Variants in CEP83 observed in about 807,000 individuals in gnomAD.
CEP83 encodes the protein centrosomal protein 83, also known as centrosomal protein of 83 kDa.
In CEP83, 70 loss-of-function variants were observed where a neutral mutation model predicts 101.9. The observed-to-expected ratio is 0.69, with a 90% confidence interval of 0.57 to 0.84. The LOEUF is 0.84. Ranked by LOEUF, CEP83 falls within the 40% of genes least tolerant of loss-of-function variation. The pLI, the probability that CEP83 is intolerant of heterozygous loss-of-function variation, is 0.00. For missense variants in CEP83, 715 were observed against 787.2 expected (o/e 0.91, Z 1.10); for synonymous variants, 264 against 267.9 (o/e 0.99, Z 0.14).
chr12:94,334,452 C>T (rs960631499), intron 12 of CEP83, among the ~76,000 whole-genome samples: 1 of 152,100 alleles, frequency 6.6e-6, no homozygotes, highest in Non-Finnish European at 1.5e-5. Context: ...ATACCTCCCC[C>T]ACAAGCTATT....
chr12:94,443,434 G>A (rs202161743), intron 1 of CEP83, among the ~76,000 whole-genome samples: 2 of 151,952 alleles, frequency 1.3e-5, no homozygotes, highest in East Asian at 3.8e-4. Flanking sequence ...AGTAGCTTTT[G>A]TCCATGTGCT....
At chr12:94,356,451 G>C (rs1159713944) in intron 11 of CEP83, among the ~76,000 whole-genome samples, 1 of 152,186 alleles carries the variant, frequency 6.6e-6, no homozygotes, top group Admixed American at 6.5e-5. Context: ...AGAGGACACT[G>C]GGTGAAAAAT....
chr12:94,323,142 G>C (rs1487007810), intron 14 of CEP83, among the ~76,000 whole-genome samples: 1 of 152,208 alleles, frequency 6.6e-6, no homozygotes, highest in Admixed American at 6.5e-5. Flanking sequence ...TGCCATGGTA[G>C]TGGGGCCTGC....
At chr12:94,298,867 A>ATAGT in the CEP83 span, 1 of 1,394,190 alleles carries the variant, frequency 7.2e-7, no homozygotes, top group Admixed American at 2.2e-5. Context: ...AAAGACATAG[A>ATAGT]TAGTTATAGA....
chr12:94,266,262 A>C, the CEP83 span, among the ~76,000 whole-genome samples: 1 of 152,188 alleles, frequency 6.6e-6, no homozygotes. Context: ...AGCTGTTTCA[A>C]GTTTTCTGCC....
At chr12:94,394,159 T>C (rs1210116157) in intron 6 of CEP83, among the ~76,000 whole-genome samples, 2 of 152,136 alleles carry the variant, frequency 1.3e-5, no homozygotes, top group African/African-American at 4.8e-5. Flanking sequence ...GAGCCTGCAT[T>C]GCCAAGACAA....
chr12:94,289,832 G>T, the CEP83 span, among the ~76,000 whole-genome samples: 1 of 152,174 alleles, frequency 6.6e-6, no homozygotes, highest in African/African-American at 2.4e-5. Context: ...AGTTAGAAAT[G>T]CACTCACACA....
the CEP83 span, among the ~76,000 whole-genome samples, chr12:94,274,155 T>TTAAAAAAA: frequency 1.8e-4 from 8 of 45,376 alleles, no homozygotes; most frequent in African/African-American, 9.4e-4. Flanking sequence ...ACCCTGTCTC[T>TTAAAAAAA]AAAAAAAAAA....
At chr12:94,449,175 A>G (rs951437631) in intron 1 of CEP83, among the ~76,000 whole-genome samples, 6 of 152,186 alleles carry the variant, frequency 3.9e-5, no homozygotes, top group African/African-American at 7.2e-5. Context: ...GATAATTTAT[A>G]TGAAATGGAC....
At chr12:94,343,112 T>C (rs934824259) in intron 11 of CEP83, among the ~76,000 whole-genome samples, 3 of 149,814 alleles carry the variant, frequency 2.0e-5, no homozygotes, top group Non-Finnish European at 4.4e-5. Context: ...TATATATATA[T>C]AGAACTTCAT....
At chr12:94,340,798 A>G (rs181214913) in intron 11 of CEP83, among the ~76,000 whole-genome samples, 2 of 152,352 alleles carry the variant, frequency 1.3e-5, no homozygotes, top group Non-Finnish European at 1.5e-5. Context: ...TGGCTTCAAC[A>G]TATGTTCCCA....
intron 11 of CEP83, among the ~76,000 whole-genome samples, chr12:94,354,004 T>A (rs1254525205): frequency 6.6e-6 from 1 of 152,102 alleles, no homozygotes. Context: ...CAAATATAAT[T>A]ATTATCTAAG....
At chr12:94,363,691 G>A (rs367979924) in intron 11 of CEP83, among the ~76,000 whole-genome samples, 14 of 152,224 alleles carry the variant, frequency 9.2e-5, no homozygotes, top group African/African-American at 3.4e-4. Flanking sequence ...GCTCACGCTT[G>A]TAATCTCAGC....
intron 15 of CEP83, among the ~76,000 whole-genome samples, chr12:94,310,347 A>G (rs753719601): frequency 2.6e-5 from 4 of 152,182 alleles, no homozygotes; most frequent in Admixed American, 2.6e-4. Flanking sequence ...CTAATTAAAG[A>G]TCTAAAATCT....
chr12:94,433,289 A>C (rs775884453), intron 2 of CEP83, among the ~76,000 whole-genome samples: 4 of 152,208 alleles, frequency 2.6e-5, no homozygotes, highest in Non-Finnish European at 5.9e-5. Flanking sequence ...AGGAGGAAGA[A>C]TAGAAGAAAG....
At position 94,309,974 on chromosome 12, in the gene CEP83, A is replaced by C; in HGVS notation, c.1945T>G (p.Phe649Val). 6.2e-7 allele frequency: 1 copy of C among 1,611,844 alleles called. No individual in the cohort carries two copies. Among genetic ancestry groups the C allele is most frequent in the Non-Finnish European group, 8.5e-7 (1 of 1,178,638 alleles). The part of the protein sequence containing the change: ...PPTASINPVS[F>V]QSSAMVPSME... ...CTTGGAACCATGGCTGATGACTGAAAGCTAACAGGATTGATAGATGCTGTT... is the reference window on the plus strand; with the variant it reads ...CTTGGAACCATGGCTGATGACTGAACGCTAACAGGATTGATAGATGCTGTT... The change falls in exon 16 of 17, where the codon TTT becomes GTT. Residue 649 changes from phenylalanine to valine, a missense_variant. By Grantham distance (50) the Phe-to-Val change is conservative. Transcript: ENST00000397809.
chr12:94,449,931 G>GA (rs2067126820), intron 1 of CEP83, among the ~76,000 whole-genome samples: 2 of 151,782 alleles, frequency 1.3e-5, no homozygotes, highest in East Asian at 3.9e-4. Flanking sequence ...TCAGATGCAG[G>GA]AAAAAACATG....
chr12:94,362,071 A>G (rs1259558712), intron 11 of CEP83, among the ~76,000 whole-genome samples: 1 of 152,186 alleles, frequency 6.6e-6, no homozygotes, highest in African/African-American at 2.4e-5. Flanking sequence ...AACTGCAAAA[A>G]GCCCCAAGTA....
chr12:94,456,609 G>A (rs2067696022), intron 1 of CEP83, among the ~76,000 whole-genome samples: 1 of 152,176 alleles, frequency 6.6e-6, no homozygotes, highest in Non-Finnish European at 1.5e-5. Context: ...GTAGCAGGAA[G>A]GAGAATGAAT....
Sources: gnomAD v4.1 joint callset for allele counts (sites outside exome capture counted in the v4.1 genomes callset) on GRCh38, gnomAD v4.1.1 for gene constraint, MANE v1.5 for transcripts, NCBI Gene and HGNC (gene_info 2026-07-23, HGNC 2026-07-21) for gene names.